Variants in PHKG2 observed in about 807,000 individuals in gnomAD.
PHKG2 encodes phosphorylase kinase catalytic subunit gamma 2, also known as phosphorylase b kinase gamma catalytic chain, liver/testis isoform.
Under a neutral mutation model 44.5 loss-of-function variants are expected in PHKG2, and 28 were observed. The ratio of observed to expected loss-of-function variants is 0.63; its 90% CI spans 0.47 to 0.86. The LOEUF is 0.86. Ranked by LOEUF, PHKG2 falls within the 40% of genes least tolerant of loss-of-function variation. PHKG2 has a pLI of 0.00. For missense variants in PHKG2, 498 were observed against 547.5 expected, an observed-to-expected ratio of 0.91 and a Z score of 0.90; for synonymous variants, 220 against 211.2, an observed-to-expected ratio of 1.04 and a Z score of -0.36.
intron 4 of PHKG2, 55 bp downstream of exon 4, chr16:30,751,658 C>T (rs2053346386): frequency 7.0e-7 from 1 of 1,422,664 alleles, no homozygotes; most frequent in Admixed American, 1.7e-5. Flanking sequence ...CCATGTATGG[C>T]CCAGCATTTG....
chr16:30,751,595 G>A lies in PHKG2; in HGVS notation c.318G>A (p.Val106=). ...AGTCTTCTAGCTTCATGTTCCTGGTGTTTGACCTGTGAGTATCTCCCTGCC... is the reference window on the plus strand; with the variant it reads ...AGTCTTCTAGCTTCATGTTCCTGGTATTTGACCTGTGAGTATCTCCCTGCC... ...SYESSSFMFL[V]FDLMRKGELF... The change falls in exon 4 of 10, where the codon GTG becomes GTA. Residue 106 remains valine (V), a synonymous_variant. Transcript: ENST00000563588. 1 of 1,613,364 alleles carries A rather than the reference G, an allele frequency of 6.2e-7. No individual in the cohort carries two copies. The highest frequency in any genetic ancestry group is 2.2e-5 in the East Asian group (1 of 44,872).
intron 2 of PHKG2, among the ~76,000 whole-genome samples, chr16:30,749,973 G>T (rs1390438625): frequency 6.6e-6 from 1 of 152,034 alleles, no homozygotes; most frequent in Non-Finnish European, 1.5e-5. Flanking sequence ...TCAGGGGGGG[G>T]TCTTTAAAAT....
intron 6 of PHKG2, 133 bp downstream of exon 6, chr16:30,753,690 C>A: frequency 1.2e-6 from 1 of 845,524 alleles, no homozygotes; most frequent in Non-Finnish European, 1.9e-6. Flanking sequence ...GCCAAGTATC[C>A]TGTGGGCGCA....
At position 30,758,875 on chromosome 16, in the gene PHKG2, T is replaced by G; in HGVS notation, c.*1778T>G. On this transcript the variant is annotated 3_prime_UTR_variant, in exon 10 of 10. Coordinates refer to ENST00000563588, the MANE Select transcript of PHKG2 (RefSeq NM_000294.3). ...GCAGCTGTGCTTTTATCTGTCATCT[T>G]GGACTTCTGCATAAGGGATCATTTA... is the stretch of plus-strand genomic sequence containing the variant. 1 of 1,424,254 alleles carries G rather than the reference T, an allele frequency of 7.0e-7. No individual in the cohort carries two copies. Among genetic ancestry groups the G allele is most frequent in the African/African-American group, 1.4e-5 (1 of 70,454 alleles). 88.2% of individuals were successfully genotyped at this position (1,424,254 alleles called of 1,614,324 possible). A position where few individuals can be genotyped will look rare whatever the true frequency, so the allele number is the denominator to read the frequency against.
intron 6 of PHKG2, among the ~76,000 whole-genome samples, chr16:30,755,947 G>A (rs1234334059): frequency 6.6e-6 from 1 of 152,154 alleles, no homozygotes; most frequent in Non-Finnish European, 1.5e-5. Flanking sequence ...GGTGGAACAA[G>A]GACCTTGAAA....
rs879089715 is a variant in PHKG2 at position 30,749,094 on chromosome 16, C to G, written c.95+179C>G. 1.1e-3 allele frequency among the ~76,000 whole-genome samples: 21 copies of G among 18,280 alleles called. 2 individuals carry two copies. Among genetic ancestry groups the G allele is most frequent in the East Asian group, 5.6e-3 (3 of 534 alleles). 12.0% of individuals were successfully genotyped at this position (18,280 alleles called of 152,430 possible). A position where few individuals can be genotyped will look rare whatever the true frequency, so the allele number is the denominator to read the frequency against. ...GGTGGTGGTGGTGGTGGTGGTGCTGCTGCTGCTGCTGCTGCTGGTGGTGCT... is the reference window on the plus strand; with the variant it reads ...GGTGGTGGTGGTGGTGGTGGTGCTGGTGCTGCTGCTGCTGCTGGTGGTGCT... On this transcript the variant is annotated intron_variant, in intron 2 of 9. Coordinates refer to ENST00000563588, the MANE Select transcript of PHKG2 (RefSeq NM_000294.3).
At position 30,756,762 on chromosome 16, in the gene PHKG2, A is replaced by G. The variant is rs370787910; in HGVS notation, c.928-42A>G. The G allele has an allele frequency of 2.5e-6, 4 of 1,613,802 alleles. No individual in the cohort carries two copies. In the African/African-American group the frequency reaches 5.3e-5, roughly 22 times the overall value. On this transcript the variant is annotated intron_variant, in intron 9 of 9. Coordinates refer to ENST00000563588, the MANE Select transcript of PHKG2 (RefSeq NM_000294.3). ...TCTGGGCCCGTTTCTCTGTCCCATG[A>G]TCTTTCCCCTGCACTAGAGCTCACC...
intron 2 of PHKG2, among the ~76,000 whole-genome samples, chr16:30,749,921 A>T (rs941643604): frequency 3.3e-5 from 5 of 152,124 alleles, no homozygotes; most frequent in Admixed American, 3.3e-4. Context: ...CCTTCTCAGG[A>T]GGAGTCACCT....
chr16:30,751,002 G>A, intron 2 of PHKG2, 104 bp from the exon 3 acceptor site: 1 of 1,202,718 alleles, frequency 8.3e-7, no homozygotes, highest in Admixed American at 1.8e-5. Flanking sequence ...ATCCAGATGG[G>A]TCTTCAGAGT....
Position 30,760,854 on chromosome 16 carries a change from C to T in PHKG2, c.*3757C>T, listed in dbSNP as rs569691884. ...TGAACTCTTATGAGCCTCTCCATTT[C>T]TAAAGCCTAGGGTTAGGAATCTTGA... is the stretch of plus-strand genomic sequence containing the variant. On this transcript the variant is annotated 3_prime_UTR_variant, in exon 10 of 10. Transcript: ENST00000563588. 8 of 638,462 alleles carry T rather than the reference C, an allele frequency of 1.3e-5. No homozygotes were observed. Among genetic ancestry groups the T allele is most frequent in the Admixed American group, 2.6e-5 (1 of 39,082 alleles). 39.5% of individuals were successfully genotyped at this position (638,462 alleles called of 1,614,324 possible).
intron 2 of PHKG2, 134 bp from the exon 3 acceptor site, chr16:30,750,972 C>T (rs942879075): frequency 4.9e-5 from 44 of 904,828 alleles, no homozygotes; most frequent in Non-Finnish European, 7.4e-5. Context: ...AGGGTGAGCT[C>T]CTAAGCTTGT....
intron 6 of PHKG2, among the ~76,000 whole-genome samples, chr16:30,754,626 T>G (rs1433965292): frequency 6.6e-6 from 1 of 152,090 alleles, no homozygotes; most frequent in African/African-American, 2.4e-5. Flanking sequence ...GACTCCAGAG[T>G]TAATACTCTT....
Position 30,760,542 on chromosome 16 carries a change from G to C in PHKG2, c.*3445G>C, listed in dbSNP as rs898067261. 2.5e-6 allele frequency: 4 copies of C among 1,599,022 alleles called. No individual in the cohort carries two copies. In the East Asian group the frequency reaches 6.8e-5, roughly 27 times the overall value. On this transcript the variant is annotated 3_prime_UTR_variant, in exon 10 of 10. Coordinates refer to ENST00000563588, the MANE Select transcript of PHKG2 (RefSeq NM_000294.3). The stretch of plus-strand genomic sequence containing the variant: ...TGCTTTGGAGTCAGCCATTCCTCAT[G>C]TTTTCCCAACCTGACCCCTCAGCCT...
At chr16:30,751,642 C>G (rs970857138) in intron 4 of PHKG2, 39 bp downstream of exon 4, 12 of 1,523,558 alleles carry the variant, frequency 7.9e-6, no homozygotes, top group Non-Finnish European at 1.0e-5. Flanking sequence ...AGCCTCCTCC[C>G]CACCTCCATG....
chr16:30,757,234 CCT>C lies in PHKG2; in HGVS notation c.*143_*144del. On this transcript the variant is annotated 3_prime_UTR_variant, in exon 10 of 10. Transcript: ENST00000563588. ...TACCCTCTTGAAGACCAGCCCGGTA[CCT>C]CTCTCCCCACTGGCCAGGACTCTGA... is the stretch of plus-strand genomic sequence containing the variant. 4.4e-6 allele frequency: 7 copies of C among 1,577,616 alleles called. No homozygotes were observed. Among genetic ancestry groups the C allele is most frequent in the Non-Finnish European group, 5.1e-6 (6 of 1,169,758 alleles).
Position 30,757,514 on chromosome 16 carries a change from G to A in PHKG2, c.*417G>A. 1 of 1,614,174 alleles carries A rather than the reference G, an allele frequency of 6.2e-7. No homozygotes were observed. The highest frequency in any genetic ancestry group is 8.5e-7 in the Non-Finnish European group (1 of 1,180,004). ...CTCTTGCCTTTACCCGGAGGTAGCT[G>A]GAAGGGCCGCTCTAGTGCAGTCAAC... On this transcript the variant is annotated 3_prime_UTR_variant, in exon 10 of 10. Transcript: ENST00000563588.
intron 6 of PHKG2, among the ~76,000 whole-genome samples, chr16:30,755,880 GAGTGGGTAGGTTGGCTTGGAT>G (rs1481577754): frequency 5.3e-5 from 8 of 152,142 alleles, no homozygotes; most frequent in African/African-American, 1.7e-4. Context: ...AAGTTGTGAG[GAGTGGGTAGGTTGGCTTGGAT>G]AGTGGGTAGG....
intron 2 of PHKG2, among the ~76,000 whole-genome samples, chr16:30,750,670 C>T (rs1465290736): frequency 6.6e-6 from 1 of 152,208 alleles, no homozygotes; most frequent in Non-Finnish European, 1.5e-5. Flanking sequence ...CAGCTTTGGT[C>T]TTCTAGTCAA....
chr16:30,750,379 G>A (rs1445576323), intron 2 of PHKG2, among the ~76,000 whole-genome samples: 3 of 152,230 alleles, frequency 2.0e-5, no homozygotes, highest in South Asian at 2.1e-4. Context: ...AAGGCTCTGC[G>A]AAGGGCAGCC....
Sources: allele counts gnomAD v4.1 joint callset (sites outside exome capture counted in the v4.1 genomes callset), GRCh38; gene constraint gnomAD v4.1.1; transcripts MANE v1.5; gene names NCBI Gene and HGNC (gene_info 2026-07-23, HGNC 2026-07-21).